The following MYH10 variants were observed in gnomAD, a reference collection of about 807,000 sequenced individuals.
The protein encoded by MYH10 is myosin-10.
MYH10 carries 55 observed loss-of-function variants against 257.8 expected under a neutral mutation model. That is an observed-to-expected ratio of 0.21 (90% confidence interval 0.17 to 0.27). The LOEUF is 0.27. Ranked by LOEUF, MYH10 falls within the 10% of genes least tolerant of loss-of-function variation. The probability of loss-of-function intolerance (pLI) is 1.00; values close to 1 mark genes in which losing one functional copy is unlikely to be tolerated. For missense variants in MYH10, 1,631 were observed against 2,500.6 expected (o/e 0.65, Z 7.42); for synonymous variants, 854 against 921.7 (o/e 0.93, Z 1.33).
intron 40 of MYH10, 108 bp downstream of exon 40, chr17:8,480,002 T>G: frequency 9.5e-7 from 1 of 1,052,664 alleles, no homozygotes; most frequent in South Asian, 1.5e-5. Context: ...TGGTTATATG[T>G]GTTCTCTGCC....
At chr17:8,481,662 C>A (rs77335253) in intron 37 of MYH10, among the ~76,000 whole-genome samples, 1,832 of 152,282 alleles carry the variant, frequency 0.012, 32 homozygotes, top group African/African-American at 0.042. Context: ...TTTGCTGTCA[C>A]CTCCAACGTA....
chr17:8,476,646 G>A (rs1229136652), intron 42 of MYH10, among the ~76,000 whole-genome samples: 1 of 152,236 alleles, frequency 6.6e-6, no homozygotes, highest in African/African-American at 2.4e-5. Context: ...CCAGCCTGGT[G>A]TGGTGGATTA....
rs1226982098 is a variant in MYH10 at position 8,506,571 on chromosome 17, T to A, written c.3215-82A>T. 3 of 1,444,764 alleles carry A rather than the reference T, an allele frequency of 2.1e-6. No individual in the cohort carries two copies. Among genetic ancestry groups the A allele is most frequent in the Non-Finnish European group, 2.8e-6 (3 of 1,059,928 alleles). 89.5% of individuals were successfully genotyped at this position (1,444,764 alleles called of 1,614,324 possible). A position where few individuals can be genotyped will look rare whatever the true frequency, so the allele number is the denominator to read the frequency against. On this transcript the variant is annotated intron_variant, in intron 26 of 42. Coordinates refer to ENST00000360416, the MANE Select transcript of MYH10 (RefSeq NM_001256012.3). This position sits in a 1 kb window ranked among gnomAD's most constrained non-coding sequence, Gnocchi z 5.0. ...AAACTAAAATACAGACTGATCCAAGTTGAAAATAAGCCATTTTATTCAAAA... is the reference window on the plus strand; with the variant it reads ...AAACTAAAATACAGACTGATCCAAGATGAAAATAAGCCATTTTATTCAAAA...
intron 1 of MYH10, among the ~76,000 whole-genome samples, chr17:8,624,981 G>A (rs1031620950): frequency 6.6e-6 from 1 of 152,172 alleles, no homozygotes; most frequent in African/African-American, 2.4e-5. Flanking sequence ...GGGTGCAGTA[G>A]CTCATGCCTA....
chr17:8,530,259 A>G (rs1266774036), intron 17 of MYH10, among the ~76,000 whole-genome samples: 1 of 152,232 alleles, frequency 6.6e-6, no homozygotes, highest in Non-Finnish European at 1.5e-5. Flanking sequence ...GTCATTTAGC[A>G]GATCAGTTCT....
rs780504653 is a variant in MYH10, at chr17:8,493,039, C to G, written c.4210-15G>C. On this transcript the variant is annotated splice_polypyrimidine_tract_variant and intron_variant, in intron 32 of 42. Transcript: ENST00000360416. ...GTATCAGCCAACTAGGTTTTGTGTA[C>G]GGACAAACAGAAAGCTCAGTATTAA... is the stretch of plus-strand genomic sequence containing the variant. 6.2e-7 allele frequency: 1 copy of G among 1,610,462 alleles called. No individual in the cohort carries two copies. Among genetic ancestry groups the G allele is most frequent in the Non-Finnish European group, 8.5e-7 (1 of 1,178,826 alleles).
At chr17:8,570,676 C>G (rs1437856978) in intron 6 of MYH10, among the ~76,000 whole-genome samples, 1 of 151,870 alleles carries the variant, frequency 6.6e-6, no homozygotes, top group Non-Finnish European at 1.5e-5. Flanking sequence ...GTATTTTAGA[C>G]CTAAAGAAAA....
intron 6 of MYH10, among the ~76,000 whole-genome samples, chr17:8,570,788 G>A (rs1248536088): frequency 3.3e-5 from 5 of 152,130 alleles, no homozygotes; most frequent in Non-Finnish European, 5.9e-5. Context: ...GGTATGTGAT[G>A]CACTCCATCA....
At chr17:8,574,684 T>A (rs548770541) in intron 6 of MYH10, among the ~76,000 whole-genome samples, 1 of 152,338 alleles carries the variant, frequency 6.6e-6, no homozygotes, top group African/African-American at 2.4e-5. Context: ...ACACTCATGG[T>A]TCCTCGGGAT....
At chr17:8,536,798 C>CA (rs377714925) in intron 14 of MYH10, among the ~76,000 whole-genome samples, 6,483 of 117,766 alleles carry the variant, frequency 0.055, 211 homozygotes, top group Non-Finnish European at 0.073. Context: ...GACTCTGTCT[C>CA]AAAAAAAAAA....
At position 8,521,251 on chromosome 17, in the gene MYH10, A is replaced by G. The variant is rs1258240368; in HGVS notation, c.1992T>C (p.Gly664=). ...DRIVGLDQVT[G]MTETAFGSAY... is the part of the protein sequence containing the mutation. ...CGGAGCCAAAAGCTGTCTCAGTCAT[A>G]CCAGTGACTTGATCCAGACCCACGA... Residue 664 remains glycine (G), a synonymous_variant, in exon 18 of 43, where the codon GGT becomes GGC. Transcript: ENST00000360416. 6.2e-7 allele frequency: 1 copy of G among 1,614,092 alleles called. No homozygotes were observed. Among genetic ancestry groups the G allele is most frequent in the Non-Finnish European group, 8.5e-7 (1 of 1,180,036 alleles).
At chr17:8,627,782 T>A (rs1229284709) in intron 1 of MYH10, among the ~76,000 whole-genome samples, 1 of 152,234 alleles carries the variant, frequency 6.6e-6, no homozygotes, top group Non-Finnish European at 1.5e-5. Flanking sequence ...TCACTAATTA[T>A]GGCCAGGCAC....
chr17:8,606,020 A>C (rs2084786249), intron 2 of MYH10, among the ~76,000 whole-genome samples: 1 of 152,154 alleles, frequency 6.6e-6, no homozygotes, highest in Non-Finnish European at 1.5e-5. Context: ...TTAACTTGTC[A>C]TGATTAACTA....
intron 12 of MYH10, 86 bp downstream of exon 12, chr17:8,546,458 C>T: frequency 9.9e-7 from 1 of 1,008,686 alleles, no homozygotes; most frequent in Non-Finnish European, 1.5e-6. Context: ...TATATTGATT[C>T]AGTTTGTTAC....
chr17:8,625,951 AATTC>A (rs1373861440), intron 1 of MYH10, among the ~76,000 whole-genome samples: 4 of 152,360 alleles, frequency 2.6e-5, no homozygotes, highest in African/African-American at 9.6e-5. Flanking sequence ...ATTCTAGACT[AATTC>A]ATAACAATTT....
intron 27 of MYH10, among the ~76,000 whole-genome samples, chr17:8,505,367 C>G (rs1002401193): frequency 1.3e-5 from 2 of 152,218 alleles, no homozygotes; most frequent in Non-Finnish European, 2.9e-5. Flanking sequence ...CTCATACCCT[C>G]CAGGTGCCTC....
chr17:8,489,708 A>C (rs6503123), intron 35 of MYH10, among the ~76,000 whole-genome samples: 9,642 of 91,972 alleles, frequency 0.1, 460 homozygotes, highest in Middle Eastern at 0.14. Flanking sequence ...CGTCTGAAAA[A>C]ACACACACAC....
rs202163045 is a variant in MYH10, at chr17:8,493,040, G to A, written c.4210-16C>T. The A allele has an allele frequency of 1.1e-4, 181 of 1,610,318 alleles. 2 individuals are homozygous for A. The highest frequency in any genetic ancestry group is 2.3e-5 in the Non-Finnish European group (27 of 1,178,820). ...TATCAGCCAACTAGGTTTTGTGTAC[G>A]GACAAACAGAAAGCTCAGTATTAAT... On this transcript the variant is annotated splice_polypyrimidine_tract_variant and intron_variant, in intron 32 of 42. Transcript: ENST00000360416.
intron 9 of MYH10, among the ~76,000 whole-genome samples, chr17:8,549,829 C>G (rs1472977814): frequency 6.6e-6 from 1 of 151,186 alleles, no homozygotes. Context: ...CTGCCCAGTG[C>G]CTGCGATTGA....
Sources: allele counts gnomAD v4.1 joint callset (sites outside exome capture counted in the v4.1 genomes callset), GRCh38; gene constraint gnomAD v4.1.1; non-coding constraint Gnocchi (gnomAD v3.1); transcripts MANE v1.5; gene names NCBI Gene and HGNC (gene_info 2026-07-23, HGNC 2026-07-21).